The following NDST4 variants were observed in gnomAD, a reference collection of about 807,000 sequenced individuals.
The protein encoded by NDST4 is N-heparan sulfate sulfotransferase 4.
A neutral mutation model predicts 100.8 loss-of-function variants in NDST4; 63 were observed. The observed-to-expected ratio is 0.62, with a 90% CI of 0.51 to 0.77. NDST4 has a LOEUF of 0.77. Among genes scored for constraint, NDST4 ranks in the 30% least tolerant of loss-of-function variants. The pLI, the probability that NDST4 is intolerant of heterozygous loss-of-function variation, is 0.00. For missense variants in NDST4, 943 were observed against 1,018.4 expected, an observed-to-expected ratio of 0.93 and a Z score of 1.01; for synonymous variants, 377 against 361.8, an observed-to-expected ratio of 1.04 and a Z score of -0.48.
At chr4:115,008,558 T>C (rs1727470397) in intron 2 of NDST4, among the ~76,000 whole-genome samples, 1 of 129,234 alleles carries the variant, frequency 7.7e-6, no homozygotes, top group Non-Finnish European at 1.7e-5. Flanking sequence ...GAGCTATCTA[T>C]GACAAACCCA....
intron 6 of NDST4, among the ~76,000 whole-genome samples, chr4:114,907,366 T>C (rs1724974525): frequency 6.6e-6 from 1 of 152,084 alleles, no homozygotes. Flanking sequence ...CTCACTACAT[T>C]TCAGTTTATC....
intron 2 of NDST4, among the ~76,000 whole-genome samples, chr4:115,048,563 C>A (rs896034945): frequency 6.6e-6 from 1 of 152,098 alleles, no homozygotes; most frequent in African/African-American, 2.4e-5. Flanking sequence ...CTTGATTACA[C>A]GCGTGAGCCA....
At chr4:114,941,988 G>A (rs915660293) in intron 4 of NDST4, among the ~76,000 whole-genome samples, 1 of 152,098 alleles carries the variant, frequency 6.6e-6, no homozygotes, top group Non-Finnish European at 1.5e-5. Context: ...AGAAAACAGA[G>A]GAAAAATTTG....
intron 7 of NDST4, among the ~76,000 whole-genome samples, chr4:114,866,259 T>C (rs956762893): frequency 6.6e-6 from 1 of 152,200 alleles, no homozygotes; most frequent in Non-Finnish European, 1.5e-5. Context: ...CCCTCTCTCA[T>C]AGGTAGATTA....
intron 2 of NDST4, among the ~76,000 whole-genome samples, chr4:115,042,805 T>C (rs1728381341): frequency 6.6e-6 from 1 of 152,092 alleles, no homozygotes; most frequent in Non-Finnish European, 1.5e-5. Context: ...AGACTCTGCA[T>C]CAGAAGTTCC....
intron 6 of NDST4, among the ~76,000 whole-genome samples, chr4:114,933,637 G>A (rs1219019250): frequency 1.3e-5 from 2 of 151,576 alleles, no homozygotes; most frequent in Non-Finnish European, 2.9e-5. Context: ...ATACGTATCA[G>A]GAACTCAAAC....
chr4:114,850,821 C>T (rs1331446739), intron 8 of NDST4, among the ~76,000 whole-genome samples: 2 of 152,082 alleles, frequency 1.3e-5, no homozygotes, highest in African/African-American at 2.4e-5. Flanking sequence ...TTTACATTGA[C>T]AATACCAGAA....
intron 2 of NDST4, among the ~76,000 whole-genome samples, chr4:115,057,756 A>C (rs1264819034): frequency 6.7e-6 from 1 of 148,694 alleles, no homozygotes; most frequent in Admixed American, 6.7e-5. Context: ...ACACACACAC[A>C]CACCAAAAAG....
chr4:114,898,413 T>C lies in NDST4; in HGVS notation c.1537-27463A>G, dbSNP rs1002008526. Reference sequence around the variant, plus strand: ...TTTTCTACTATCTTCCATTGATCTATTTGTCTGTTGTTTCATTAGCACACT... The same window carrying C: ...TTTTCTACTATCTTCCATTGATCTACTTGTCTGTTGTTTCATTAGCACACT... On this transcript the variant is annotated intron_variant, in intron 6 of 13. Coordinates refer to ENST00000264363, the MANE Select transcript of NDST4 (RefSeq NM_022569.3). Among the ~76,000 whole-genome samples the C allele has an allele frequency of 7.9e-5, 12 of 152,196 alleles. No homozygotes were observed. The South Asian group carries it at 2.5e-3, about 31-fold the overall frequency.
Position 114,848,238 on chromosome 4 carries a change from G to T in NDST4, c.1917C>A (p.Asn639Lys), listed in dbSNP as rs1293982612. 5 of 1,608,848 alleles carry T rather than the reference G, an allele frequency of 3.1e-6. No homozygotes were observed. Among genetic ancestry groups the T allele is most frequent in the African/African-American group, 1.3e-5 (1 of 74,784 alleles). ...ACCAGTCTATTCCTTTGTGATAGTTGTTGCCATTAAAGAACTGAACTTCCT... is the reference window on the plus strand; with the variant it reads ...ACCAGTCTATTCCTTTGTGATAGTTTTTGCCATTAAAGAACTGAACTTCCT... ...TFEEVQFFNG[N>K]NYHKGIDWYM... Residue 639 changes from asparagine to lysine, a missense_variant, in exon 9 of 14, where the codon AAC becomes AAA. Transcript: ENST00000264363.
chr4:114,997,638 T>C (rs1203503057), intron 2 of NDST4, among the ~76,000 whole-genome samples: 1 of 152,128 alleles, frequency 6.6e-6, no homozygotes, highest in East Asian at 1.9e-4. Context: ...TCCTGCAAGA[T>C]AGTAAAGGCT....
intron 12 of NDST4, among the ~76,000 whole-genome samples, chr4:114,830,831 G>T (rs1723180841): frequency 6.6e-6 from 1 of 152,118 alleles, no homozygotes; most frequent in African/African-American, 2.4e-5. Context: ...TTGTTGCCCT[G>T]GGCCCATTCC....
At chr4:114,981,228 A>T (rs753828970) in intron 2 of NDST4, among the ~76,000 whole-genome samples, 3 of 67,812 alleles carry the variant, frequency 4.4e-5, no homozygotes, top group Admixed American at 1.5e-4. Context: ...GAAGGAAGGA[A>T]GGAAGGAAGG....
At chr4:115,007,027 T>C (rs1362911057) in intron 2 of NDST4, among the ~76,000 whole-genome samples, 1 of 152,216 alleles carries the variant, frequency 6.6e-6, no homozygotes, top group African/African-American at 2.4e-5. Context: ...GTACTTTACA[T>C]TGGTTAAAGC....
At chr4:115,007,578 CCAACA>C (rs2126258870) in intron 2 of NDST4, among the ~76,000 whole-genome samples, 1 of 67,154 alleles carries the variant, frequency 1.5e-5, no homozygotes, top group South Asian at 7.4e-4. Flanking sequence ...GCTGAGAATT[CCAACA>C]GAAAGCTGGA....
At chr4:114,962,495 TC>T (rs755255574) in intron 4 of NDST4, among the ~76,000 whole-genome samples, 11 of 152,058 alleles carry the variant, frequency 7.2e-5, no homozygotes, top group Non-Finnish European at 1.5e-4. Flanking sequence ...TATACAAATA[TC>T]AATTGTACTT....
intron 6 of NDST4, among the ~76,000 whole-genome samples, chr4:114,909,844 A>T (rs542051713): frequency 2.6e-5 from 4 of 152,286 alleles, no homozygotes; most frequent in African/African-American, 7.2e-5. Flanking sequence ...GAGTAGCAAG[A>T]TATGTTATTT....
intron 7 of NDST4, among the ~76,000 whole-genome samples, chr4:114,868,631 TA>T (rs1724083156): frequency 6.6e-6 from 1 of 151,996 alleles, no homozygotes; most frequent in African/African-American, 2.4e-5. Context: ...GAATATATGA[TA>T]TTTAGTTAAC....
chr4:115,048,935 G>A (rs370067829), intron 2 of NDST4, among the ~76,000 whole-genome samples: 3 of 151,948 alleles, frequency 2.0e-5, no homozygotes, highest in East Asian at 1.9e-4. Context: ...CACTGCGCCC[G>A]GCCCACATTA....
Sources: allele counts gnomAD v4.1 joint callset (sites outside exome capture counted in the v4.1 genomes callset), GRCh38; gene constraint gnomAD v4.1.1; transcripts MANE v1.5; gene names NCBI Gene and HGNC (gene_info 2026-07-23, HGNC 2026-07-21).